Variants in CNTN3 observed in about 807,000 individuals in gnomAD.
CNTN3 encodes contactin 3.
A neutral mutation model predicts 119.1 loss-of-function variants in CNTN3; 60 were observed. The observed-to-expected ratio is 0.50, with a 90% CI of 0.41 to 0.62. CNTN3 has a LOEUF of 0.62. Among genes scored for constraint, CNTN3 ranks in the 20% least tolerant of loss-of-function variants. The probability of loss-of-function intolerance (pLI) is 0.00; values close to 1 mark genes in which losing one functional copy is unlikely to be tolerated. For synonymous variants in CNTN3, 450 were observed against 438.7 expected, an observed-to-expected ratio of 1.03 and a Z score of -0.32; for missense variants, 1,101 against 1,242.4, an observed-to-expected ratio of 0.89 and a Z score of 1.71.
intron 5 of CNTN3, among the ~76,000 whole-genome samples, chr3:74,375,970 C>A: frequency 6.6e-6 from 1 of 151,582 alleles, no homozygotes; most frequent in African/African-American, 2.4e-5. Flanking sequence ...CACCAGGGTC[C>A]TTAGAAGGGA....
rs116792452 is a variant in CNTN3, at chr3:74,447,206, G to C, written c.359-22266C>G. 9.5e-3 allele frequency among the ~76,000 whole-genome samples: 1,442 copies of C among 152,266 alleles called. 18 individuals carry two copies. Among genetic ancestry groups the C allele is most frequent in the African/African-American group, 0.031 (1,295 of 41,556 alleles). Reference sequence around the variant, plus strand: ...ACAGTAAGGAGAAGTGAGGTTCCCAGAACTCAGAGAGGGCAGCTGTACAGA... The same window carrying C: ...ACAGTAAGGAGAAGTGAGGTTCCCACAACTCAGAGAGGGCAGCTGTACAGA... On this transcript the variant is annotated intron_variant, in intron 4 of 22. Coordinates refer to ENST00000263665, the MANE Select transcript of CNTN3 (RefSeq NM_020872.3).
At chr3:74,432,821 C>G (rs566718290) in intron 4 of CNTN3, among the ~76,000 whole-genome samples, 3 of 152,188 alleles carry the variant, frequency 2.0e-5, no homozygotes, top group Non-Finnish European at 4.4e-5. Context: ...CCCTTTCTTG[C>G]TGGTCCAATT....
intron 4 of CNTN3, among the ~76,000 whole-genome samples, chr3:74,453,624 A>G (rs1339994355): frequency 1.7e-4 from 25 of 149,370 alleles, no homozygotes; most frequent in African/African-American, 6.2e-4. Context: ...TCAATTTTGG[A>G]TCTTTCCTGC....
At chr3:74,520,146 G>C (rs547785430) in intron 2 of CNTN3, among the ~76,000 whole-genome samples, 3 of 150,028 alleles carry the variant, frequency 2.0e-5, no homozygotes, top group South Asian at 4.1e-4. Context: ...ATGTAGAAAA[G>C]TGGTCTTCTA....
intron 20 of CNTN3, among the ~76,000 whole-genome samples, chr3:74,278,293 C>T (rs975368745): frequency 6.6e-6 from 1 of 151,510 alleles, no homozygotes; most frequent in Non-Finnish European, 1.5e-5. Context: ...CAAAAAAGAG[C>T]CCAGAAAGCA....
intron 1 of CNTN3, among the ~76,000 whole-genome samples, chr3:74,600,655 C>T (rs149013399): frequency 1.3e-5 from 2 of 152,148 alleles, no homozygotes; most frequent in East Asian, 3.9e-4. Flanking sequence ...CAGGCCATGA[C>T]CTCAGATTTA....
chr3:74,323,709 T>A (rs1021494501), intron 13 of CNTN3, among the ~76,000 whole-genome samples: 2 of 152,224 alleles, frequency 1.3e-5, no homozygotes, highest in African/African-American at 2.4e-5. Flanking sequence ...ATGATTTATT[T>A]GTTTATTTAT....
intron 4 of CNTN3, among the ~76,000 whole-genome samples, chr3:74,444,693 T>C (rs1300708157): frequency 6.6e-6 from 1 of 152,178 alleles, no homozygotes; most frequent in Non-Finnish European, 1.5e-5. Flanking sequence ...GTCAGTTTAA[T>C]GAAGGTTTGG....
intron 1 of CNTN3, among the ~76,000 whole-genome samples, chr3:74,571,458 A>G (rs940556100): frequency 1.3e-5 from 2 of 152,094 alleles, no homozygotes; most frequent in Non-Finnish European, 2.9e-5. Flanking sequence ...TCTACCCCTC[A>G]TTGATTGTGG....
chr3:74,544,659 C>T lies in CNTN3; in HGVS notation c.-80-23467G>A, dbSNP rs186570159. 1.8e-4 allele frequency among the ~76,000 whole-genome samples: 28 copies of T among 152,162 alleles called. No individual in the cohort carries two copies. The East Asian group carries it at 5.4e-3, about 29-fold the overall frequency. On this transcript the variant is annotated intron_variant, in intron 1 of 22. Coordinates refer to ENST00000263665, the MANE Select transcript of CNTN3 (RefSeq NM_020872.3). ...TGTCACCCAGGCTGGAGTGCAGTGG[C>T]GCGATATCAGCTCAAGGCAACCTCC...
rs78182360 is a variant in CNTN3, at chr3:74,472,437, C to T, written c.358+14019G>A. On this transcript the variant is annotated intron_variant, in intron 4 of 22. Transcript: ENST00000263665. ...GAATCGTCTCAGCTAACTATTCCCCCCAATAATGTAGAGCCTGAAATAATA... is the reference window on the plus strand; with the variant it reads ...GAATCGTCTCAGCTAACTATTCCCCTCAATAATGTAGAGCCTGAAATAATA... 1.1e-4 allele frequency among the ~76,000 whole-genome samples: 17 copies of T among 152,248 alleles called. 1 individual carries two copies. Among genetic ancestry groups the T allele is most frequent in the South Asian group, 8.3e-4 (4 of 4,832 alleles).
At chr3:74,570,177 T>A (rs1021188839) in intron 1 of CNTN3, among the ~76,000 whole-genome samples, 1 of 151,960 alleles carries the variant, frequency 6.6e-6, no homozygotes, top group Non-Finnish European at 1.5e-5. Context: ...CATGGAGTTC[T>A]ACCCATACCC....
chr3:74,551,523 G>C (rs1381239506), intron 1 of CNTN3, among the ~76,000 whole-genome samples: 1 of 151,842 alleles, frequency 6.6e-6, no homozygotes, highest in Admixed American at 6.6e-5. Context: ...TTCACTCTCG[G>C]TGTCCTACAT....
intron 19 of CNTN3, among the ~76,000 whole-genome samples, chr3:74,288,217 G>A (rs372196130): frequency 2.1e-5 from 3 of 141,508 alleles, no homozygotes; most frequent in Non-Finnish European, 4.5e-5. Flanking sequence ...GGAATATAGT[G>A]GCACGATCTT....
intron 11 of CNTN3, among the ~76,000 whole-genome samples, chr3:74,356,221 C>A (rs903979197): frequency 6.6e-6 from 1 of 152,000 alleles, no homozygotes; most frequent in Non-Finnish European, 1.5e-5. Flanking sequence ...CTTAGACTTC[C>A]CAGCCTCCAG....
intron 1 of CNTN3, among the ~76,000 whole-genome samples, chr3:74,572,561 T>C (rs1248898507): frequency 6.6e-6 from 1 of 152,178 alleles, no homozygotes; most frequent in Non-Finnish European, 1.5e-5. Context: ...GTAAAACACA[T>C]ATACAATACT....
At chr3:74,514,154 T>C (rs920684860) in intron 2 of CNTN3, among the ~76,000 whole-genome samples, 2 of 152,058 alleles carry the variant, frequency 1.3e-5, no homozygotes, top group African/African-American at 4.8e-5. Context: ...TAACATGAAA[T>C]CACATGTGCA....
chr3:74,471,978 A>T lies in CNTN3; in HGVS notation c.358+14478T>A, dbSNP rs375242789. On this transcript the variant is annotated intron_variant, in intron 4 of 22. Coordinates refer to ENST00000263665, the MANE Select transcript of CNTN3 (RefSeq NM_020872.3). ...AAGGCTCAATTCCTGCTCACTGAAT[A>T]AATGAATGAACTCAAACTTTGAAGT... is the stretch of plus-strand genomic sequence containing the variant. Among the ~76,000 whole-genome samples, 3 of 152,340 alleles carry T rather than the reference A, an allele frequency of 2.0e-5. No homozygotes were observed. In the East Asian group the frequency reaches 5.8e-4, roughly 29 times the overall value.
chr3:74,573,126 G>C (rs904495282), intron 1 of CNTN3, among the ~76,000 whole-genome samples: 2 of 152,138 alleles, frequency 1.3e-5, no homozygotes, highest in Admixed American at 1.3e-4. Flanking sequence ...CCCATGAAGG[G>C]GACCCACAGG....
Sources: allele counts gnomAD v4.1 joint callset (sites outside exome capture counted in the v4.1 genomes callset), GRCh38; gene constraint gnomAD v4.1.1; transcripts MANE v1.5; gene names NCBI Gene and HGNC (gene_info 2026-07-23, HGNC 2026-07-21).